IL36B: variants seen among roughly 807,000 people sequenced by gnomAD.
The protein encoded by IL36B is interleukin 36 beta.
In IL36B, 23 loss-of-function variants were observed where a neutral mutation model predicts 19.3. The observed-to-expected ratio is 1.19, with a 90% CI of 0.86 to 1.69. The LOEUF (loss-of-function observed/expected upper bound fraction) is 1.69. Ranked by LOEUF, IL36B falls within the 40% of genes most tolerant of loss-of-function variation. The pLI is 0.00. For synonymous variants in IL36B, 59 were observed against 59.7 expected, an observed-to-expected ratio of 0.99 and a Z score of 0.05; for missense variants, 217 against 200.5, an observed-to-expected ratio of 1.08 and a Z score of -0.50.
At chr2:113,044,256 CTA>C (rs1215310841) in intron 1 of IL36B, among the ~76,000 whole-genome samples, 148 of 136,214 alleles carry the variant, frequency 1.1e-3, no homozygotes, top group African/African-American at 3.8e-3. Flanking sequence ...ATATCTATAT[CTA>C]TATGTGTGTG....
chr2:113,034,956 G>A (rs1336392569), intron 1 of IL36B, among the ~76,000 whole-genome samples: 1 of 152,230 alleles, frequency 6.6e-6, no homozygotes, highest in Non-Finnish European at 1.5e-5. Context: ...CTGAAGTGTG[G>A]TGTACTCTAG....
At chr2:113,035,366 C>T (rs938733121) in intron 1 of IL36B, among the ~76,000 whole-genome samples, 3 of 151,970 alleles carry the variant, frequency 2.0e-5, no homozygotes, top group Non-Finnish European at 2.9e-5. Flanking sequence ...CTGTGGGAAC[C>T]CCTCCCTCTG....
chr2:113,027,597 G>T (rs1373820945), intron 4 of IL36B: 7 of 1,179,390 alleles, frequency 5.9e-6, no homozygotes, highest in Non-Finnish European at 7.4e-6. Flanking sequence ...AGGAATGGAA[G>T]GTTGCATGAA....
chr2:113,045,014 T>C (rs963722780), intron 1 of IL36B, among the ~76,000 whole-genome samples: 1 of 152,160 alleles, frequency 6.6e-6, no homozygotes, highest in Non-Finnish European at 1.5e-5. Flanking sequence ...CTTATATATA[T>C]GTTATAATCC....
At chr2:113,024,280 G>GAAA (rs1003982273) in intron 5 of IL36B, among the ~76,000 whole-genome samples, 1 of 151,866 alleles carries the variant, frequency 6.6e-6, no homozygotes, top group East Asian at 1.9e-4. Context: ...TCATAGGCTG[G>GAAA]AAAAAAAAGG....
chr2:113,032,127 GTGTGTC>G (rs1257868907), intron 1 of IL36B, among the ~76,000 whole-genome samples: 1,345 of 118,964 alleles, frequency 0.011, 18 homozygotes, highest in African/African-American at 0.044. Context: ...GAGTGCGTGT[GTGTGTC>G]TGTGTGTGTG....
At chr2:113,040,164 C>A (rs77516439) in intron 1 of IL36B, among the ~76,000 whole-genome samples, 1 of 152,154 alleles carries the variant, frequency 6.6e-6, no homozygotes, top group Admixed American at 6.6e-5. Context: ...AGGAGAAATG[C>A]CACCTAAATC....
intron 1 of IL36B, among the ~76,000 whole-genome samples, chr2:113,046,743 T>G (rs1329170402): frequency 6.6e-6 from 1 of 152,206 alleles, no homozygotes; most frequent in Non-Finnish European, 1.5e-5. Flanking sequence ...TAAAATGCTA[T>G]TTTTATTATA....
At chr2:113,033,463 T>A (rs915286270) in intron 1 of IL36B, among the ~76,000 whole-genome samples, 2 of 152,180 alleles carry the variant, frequency 1.3e-5, no homozygotes, top group African/African-American at 4.8e-5. Flanking sequence ...GGTCTCAAAC[T>A]CCTGAGCTCA....
chr2:113,047,946 T>A, intron 1 of IL36B, among the ~76,000 whole-genome samples: 1 of 151,152 alleles, frequency 6.6e-6, no homozygotes, highest in Non-Finnish European at 1.5e-5. Context: ...AGAAGAAAAA[T>A]AAATATAAAA....
At chr2:113,036,903 T>C (rs1438875325) in intron 1 of IL36B, among the ~76,000 whole-genome samples, 2 of 152,240 alleles carry the variant, frequency 1.3e-5, no homozygotes, top group African/African-American at 4.8e-5. Context: ...CCTGCCTATC[T>C]TGCCTGCATC....
chr2:113,036,595 T>C (rs1415091533), intron 1 of IL36B, among the ~76,000 whole-genome samples: 4 of 152,220 alleles, frequency 2.6e-5, no homozygotes, highest in Admixed American at 2.6e-4. Flanking sequence ...AAGTCAGTAA[T>C]GAGCAGGAAT....
At chr2:113,048,070 T>C (rs1487802325) in intron 1 of IL36B, among the ~76,000 whole-genome samples, 1 of 152,120 alleles carries the variant, frequency 6.6e-6, no homozygotes, top group Non-Finnish European at 1.5e-5. Context: ...GATCGTCAGA[T>C]TGGATAAAAA....
chr2:113,034,252 C>A (rs529715335), intron 1 of IL36B, among the ~76,000 whole-genome samples: 1 of 152,138 alleles, frequency 6.6e-6, no homozygotes, highest in Non-Finnish European at 1.5e-5. Flanking sequence ...AGCTTATCTT[C>A]GCCTGCAGGG....
chr2:113,025,544 C>A (rs1684943134), intron 5 of IL36B, among the ~76,000 whole-genome samples: 1 of 152,078 alleles, frequency 6.6e-6, no homozygotes, highest in Admixed American at 6.6e-5. Flanking sequence ...GAGAAGAGAG[C>A]AAATGGGCCA....
In IL36B at chr2:113,022,664, C is replaced by T. The variant is rs776880407; in HGVS notation, c.*10G>A. On this transcript the variant is annotated 3_prime_UTR_variant, in exon 6 of 6. Transcript: ENST00000259213. ...AGATTGTAGAGATGGGAATCTTCCT[C>T]CCCTTATTTCTACATCCTTCCTGGC... is the stretch of plus-strand genomic sequence containing the variant. 2 of 1,508,764 alleles carry T rather than the reference C, an allele frequency of 1.3e-6. No individual in the cohort carries two copies. Among genetic ancestry groups the T allele is most frequent in the South Asian group, 1.1e-5 (1 of 88,946 alleles). The allele number at this position is 1,508,764 out of a possible 1,614,324, so 93.5% of individuals were successfully genotyped here.
At chr2:113,040,838 G>A (rs1685243819) in intron 1 of IL36B, among the ~76,000 whole-genome samples, 2 of 152,198 alleles carry the variant, frequency 1.3e-5, no homozygotes, top group Admixed American at 6.5e-5. Flanking sequence ...TACCATAATA[G>A]CACTAGGCTT....
intron 1 of IL36B, among the ~76,000 whole-genome samples, chr2:113,041,661 C>G (rs1403004722): frequency 6.6e-6 from 1 of 152,172 alleles, no homozygotes; most frequent in Non-Finnish European, 1.5e-5. Context: ...AAACAAGTAG[C>G]AAGTCACAGA....
chr2:113,029,116 C>G, intron 3 of IL36B, 38 bp from the exon 4 acceptor site: 2 of 1,597,700 alleles, frequency 1.3e-6, no homozygotes, highest in Non-Finnish European at 1.7e-6. Flanking sequence ...ATGTTTCAGT[C>G]TTTCTGGTCT....
Sources: gnomAD v4.1 joint callset for allele counts (sites outside exome capture counted in the v4.1 genomes callset) on GRCh38, gnomAD v4.1.1 for gene constraint, MANE v1.5 for transcripts, NCBI Gene and HGNC (gene_info 2026-07-23, HGNC 2026-07-21) for gene names.